Variants in CEP57L1 observed in about 807,000 individuals in gnomAD.
The protein encoded by CEP57L1 is centrosomal protein 57 like 1, also known as centrosomal protein CEP57L1.
CEP57L1 carries 37 observed loss-of-function variants against 61.0 expected under a neutral mutation model. The ratio of observed to expected loss-of-function variants is 0.61; its 90% CI spans 0.47 to 0.80. CEP57L1 has a LOEUF of 0.80. Ranked by LOEUF, CEP57L1 falls within the 30% of genes least tolerant of loss-of-function variation. CEP57L1 has a pLI of 0.00. For missense variants in CEP57L1, 422 were observed against 524.7 expected (o/e 0.80, Z 1.91); for synonymous variants, 137 against 162.3 (o/e 0.84, Z 1.19).
At chr6:109,131,953 C>A (rs1774249491) in intron 1 of CEP57L1, among the ~76,000 whole-genome samples, 2 of 152,136 alleles carry the variant, frequency 1.3e-5, no homozygotes, top group South Asian at 4.1e-4. Context: ...AAGTGTGAAT[C>A]ATCCCCTGTG....
In CEP57L1 at chr6:109,169,749, A is replaced by G. The variant is rs1401705351; in HGVS notation, c.*6779A>G. On this transcript the variant is annotated 3_prime_UTR_variant, in exon 11 of 11. Transcript: ENST00000517392. ...TGTAGGTGCTTCAGACAGTTTTACA[A>G]CCAATAAGAATGTGAGATTTGTCGG... 3.3e-5 allele frequency among the ~76,000 whole-genome samples: 5 copies of G among 152,202 alleles called. No homozygotes were observed. In the East Asian group the frequency reaches 9.6e-4, roughly 29 times the overall value.
chr6:109,135,464 G>A lies in CEP57L1; in HGVS notation c.-3-9755G>A, dbSNP rs1774753684. On this transcript the variant is annotated intron_variant, in intron 1 of 10. Transcript: ENST00000517392. ...TAGACCTAAAACCATAAAAACCCTA[G>A]AAGAAAACCTAGGCAATACCATTCA... Among the ~76,000 whole-genome samples, 3 of 152,174 alleles carry A rather than the reference G, an allele frequency of 2.0e-5. No individual in the cohort carries two copies. The South Asian group carries it at 6.2e-4, about 31-fold the overall frequency.
At chr6:109,111,106 T>G (rs894603435) in intron 1 of CEP57L1, among the ~76,000 whole-genome samples, 1 of 152,200 alleles carries the variant, frequency 6.6e-6, no homozygotes, top group Non-Finnish European at 1.5e-5. Context: ...AATCTATAAA[T>G]TACTTCGGGC....
Position 109,138,414 on chromosome 6 carries a change from G to C in CEP57L1, c.-3-6805G>C, listed in dbSNP as rs540278505. 5.9e-5 allele frequency among the ~76,000 whole-genome samples: 9 copies of C among 152,210 alleles called. No individual in the cohort carries two copies. In the East Asian group the frequency reaches 1.7e-3, roughly 29 times the overall value. ...ATGTATCCTGAAAGATTCAACATGG[G>C]ATGTGAGAGAGAGGTATCAAGACAA... On this transcript the variant is annotated intron_variant, in intron 1 of 10. Transcript: ENST00000517392.
chr6:109,165,076 CAAAA>C lies in CEP57L1; in HGVS notation c.*2120_*2123del, dbSNP rs201301791. ...CTGGTGACACAGCAAGACTCTGTCT[CAAAA>C]AAAAAAAAAAAAATTAAAACCATTT... is the stretch of plus-strand genomic sequence containing the variant. On this transcript the variant is annotated 3_prime_UTR_variant, in exon 11 of 11. Coordinates refer to ENST00000517392, the MANE Select transcript of CEP57L1 (RefSeq NM_001271852.3). Among the ~76,000 whole-genome samples the C allele has an allele frequency of 2.4e-5, 2 of 81,828 alleles. No homozygotes were observed. The highest frequency in any genetic ancestry group is 8.2e-5 in the African/African-American group (2 of 24,408). The allele number at this position is 81,828 out of a possible 152,430, so 53.7% of individuals were successfully genotyped here.
chr6:109,099,397 T>A (rs1355971766), intron 1 of CEP57L1, among the ~76,000 whole-genome samples: 1 of 152,146 alleles, frequency 6.6e-6, no homozygotes, highest in Admixed American at 6.5e-5. Flanking sequence ...ATAAGTTATG[T>A]TAAATGTTGC....
chr6:109,145,528 C>A (rs1583589645), intron 2 of CEP57L1, 147 bp downstream of exon 2: 1 of 554,322 alleles, frequency 1.8e-6, no homozygotes, highest in Non-Finnish European at 3.0e-6. Context: ...TGAACTTAGA[C>A]AAATTACTTG....
At chr6:109,160,492 A>G (rs1773618074) in intron 9 of CEP57L1, 80 bp from the exon 10 acceptor site, 14 of 1,138,572 alleles carry the variant, frequency 1.2e-5, no homozygotes, top group Non-Finnish European at 1.8e-5. Context: ...TTTATGATTG[A>G]ACAGAAAATT....
intron 1 of CEP57L1, among the ~76,000 whole-genome samples, chr6:109,144,947 C>G (rs1771795250): frequency 6.6e-6 from 1 of 151,932 alleles, no homozygotes; most frequent in Non-Finnish European, 1.5e-5. Context: ...AACTGAGAAA[C>G]CAGTAAATTC....
intron 1 of CEP57L1, among the ~76,000 whole-genome samples, chr6:109,112,570 C>T (rs550227102): frequency 6.6e-6 from 1 of 152,102 alleles, no homozygotes; most frequent in East Asian, 1.9e-4. Flanking sequence ...AATTTGTTTG[C>T]TGTGGCTTCT....
intron 1 of CEP57L1, among the ~76,000 whole-genome samples, chr6:109,137,406 A>T (rs1159575863): frequency 6.6e-6 from 1 of 151,758 alleles, no homozygotes; most frequent in Non-Finnish European, 1.5e-5. Context: ...AGTTCAAGCT[A>T]TTCTCCTGCC....
chr6:109,142,263 A>G (rs1008525356), intron 1 of CEP57L1, among the ~76,000 whole-genome samples: 2 of 152,232 alleles, frequency 1.3e-5, no homozygotes, highest in Admixed American at 1.3e-4. Context: ...CATATATTCC[A>G]TGGAATACTA....
chr6:109,166,570 A>T lies in CEP57L1; in HGVS notation c.*3600A>T, dbSNP rs905255247. 6.6e-6 allele frequency among the ~76,000 whole-genome samples: 1 copy of T among 151,818 alleles called. No individual in the cohort carries two copies. The highest frequency in any genetic ancestry group is 1.9e-4 in the East Asian group (1 of 5,166). On this transcript the variant is annotated 3_prime_UTR_variant, in exon 11 of 11. Coordinates refer to ENST00000517392, the MANE Select transcript of CEP57L1 (RefSeq NM_001271852.3). Reference sequence around the variant, plus strand: ...GCTAATTTTTGTATTTTTAGTAGAGATGGGGTTTCACTGTGTTAGCCAGGA... The same window carrying T: ...GCTAATTTTTGTATTTTTAGTAGAGTTGGGGTTTCACTGTGTTAGCCAGGA...
At chr6:109,100,957 A>C (rs6913963) in intron 1 of CEP57L1, among the ~76,000 whole-genome samples, 1,554 of 152,050 alleles carry the variant, frequency 0.01, 39 homozygotes, top group African/African-American at 0.036. Context: ...AAGTACAAAA[A>C]TTAGCCAGGC....
At chr6:109,148,146 T>C (rs1309633485) in intron 3 of CEP57L1, among the ~76,000 whole-genome samples, 1 of 152,064 alleles carries the variant, frequency 6.6e-6, no homozygotes, top group Non-Finnish European at 1.5e-5. Flanking sequence ...ACTTTAAGTT[T>C]TAGGGTACAT....
rs1243060477 is a variant in CEP57L1 at position 109,164,533 on chromosome 6, G to A, written c.*1563G>A. On this transcript the variant is annotated 3_prime_UTR_variant, in exon 11 of 11. Coordinates refer to ENST00000517392, the MANE Select transcript of CEP57L1 (RefSeq NM_001271852.3). ...CTCAGCCCTGGAGATGTTCCATAGG[G>A]TGTTTGATCTAAACTCAGTTGCATC... is the stretch of plus-strand genomic sequence containing the variant. Among the ~76,000 whole-genome samples, 1 of 152,064 alleles carries A rather than the reference G, an allele frequency of 6.6e-6. No homozygotes were observed. The highest frequency in any genetic ancestry group is 1.5e-5 in the Non-Finnish European group (1 of 68,016).
At chr6:109,104,040 GTT>G in intron 1 of CEP57L1, among the ~76,000 whole-genome samples, 1 of 131,220 alleles carries the variant, frequency 7.6e-6, no homozygotes, top group African/African-American at 2.8e-5. Context: ...TTTAGTTTTT[GTT>G]TTTTTTTTTT....
chr6:109,129,502 T>G, intron 1 of CEP57L1: 1 of 462,884 alleles, frequency 2.2e-6, no homozygotes, highest in Non-Finnish European at 4.3e-6. Flanking sequence ...GGTAGAGTAC[T>G]CTTCTGGCTG....
intron 1 of CEP57L1, among the ~76,000 whole-genome samples, chr6:109,144,889 C>G (rs1461351273): frequency 6.6e-6 from 1 of 151,882 alleles, no homozygotes; most frequent in African/African-American, 2.4e-5. Context: ...AGTCACACTG[C>G]TTATAGAGAA....
Sources: gnomAD v4.1 joint callset for allele counts (sites outside exome capture counted in the v4.1 genomes callset) on GRCh38, gnomAD v4.1.1 for gene constraint, MANE v1.5 for transcripts, NCBI Gene and HGNC (gene_info 2026-07-23, HGNC 2026-07-21) for gene names.